BCAS3: variants seen among roughly 807,000 people sequenced by gnomAD.
BCAS3 encodes the protein BCAS3 microtubule associated cell migration factor.
In BCAS3, 53 loss-of-function variants were observed where a neutral mutation model predicts 116.1. That is an observed-to-expected ratio of 0.46 (90% CI 0.37 to 0.57). BCAS3 has a LOEUF of 0.57. Among genes scored for constraint, BCAS3 ranks in the 20% least tolerant of loss-of-function variants. The pLI, the probability that BCAS3 is intolerant of heterozygous loss-of-function variation, is 0.00. For synonymous variants in BCAS3, 391 were observed against 408.2 expected, an observed-to-expected ratio of 0.96 and a Z score of 0.51; for missense variants, 917 against 1,165.4, an observed-to-expected ratio of 0.79 and a Z score of 3.10.
rs2078708177 is a variant in BCAS3, at chr17:61,169,447, A to T, written c.2425+84883A>T. ...TTTTCCTTTTCTTTCCTTGTTATTT[A>T]AAAAAAATTGAGATGGGGTTTTGCT... On this transcript the variant is annotated intron_variant, in intron 22 of 23. Coordinates refer to ENST00000407086, the MANE Select transcript of BCAS3 (RefSeq NM_017679.5). 1.3e-5 allele frequency among the ~76,000 whole-genome samples: 2 copies of T among 152,040 alleles called. 1 individual carries two copies. The highest frequency in any genetic ancestry group is 4.1e-4 in the South Asian group (2 of 4,822).
At chr17:60,747,943 C>T (rs1381269963) in intron 6 of BCAS3, among the ~76,000 whole-genome samples, 3 of 151,244 alleles carry the variant, frequency 2.0e-5, no homozygotes, top group African/African-American at 4.9e-5. Flanking sequence ...GGCTAAATAA[C>T]GCCTGACTCC....
intron 4 of BCAS3, among the ~76,000 whole-genome samples, chr17:60,695,119 ATTT>A (rs61173709): frequency 1.5e-5 from 2 of 129,150 alleles, no homozygotes; most frequent in Non-Finnish European, 1.6e-5. Flanking sequence ...TATATACCAC[ATTT>A]TTTTTTTTTT....
Position 61,368,172 on chromosome 17 carries a change from C to A in BCAS3, c.2426-155C>A. 1.4e-6 allele frequency: 1 copy of A among 697,068 alleles called. No homozygotes were observed. The highest frequency in any genetic ancestry group is 2.3e-6 in the Non-Finnish European group (1 of 435,520). The allele number at this position is 697,068 out of a possible 1,614,324, so 43.2% of individuals were successfully genotyped here. A position where few individuals can be genotyped will look rare whatever the true frequency, so the allele number is the denominator to read the frequency against. ...ACTCTCTCAGCGGCATGAGCTATTTCTCCTGCGCTACCCAGTCTGTTGGCG... is the reference window on the plus strand; with the variant it reads ...ACTCTCTCAGCGGCATGAGCTATTTATCCTGCGCTACCCAGTCTGTTGGCG... On this transcript the variant is annotated intron_variant, in intron 22 of 23. Coordinates refer to ENST00000407086, the MANE Select transcript of BCAS3 (RefSeq NM_017679.5). This position sits in a 1 kb window ranked among gnomAD's most constrained non-coding sequence, Gnocchi z 6.0.
intron 10 of BCAS3, among the ~76,000 whole-genome samples, chr17:60,892,382 GGCTCA>G (rs1457980519): frequency 1.1e-4 from 17 of 149,336 alleles, no homozygotes; most frequent in African/African-American, 4.0e-4. Context: ...GCATGATCTC[GGCTCA>G]CCGCAACCTC....
At chr17:60,952,636 G>T (rs1435892163) in intron 14 of BCAS3, among the ~76,000 whole-genome samples, 1 of 152,032 alleles carries the variant, frequency 6.6e-6, no homozygotes, top group Non-Finnish European at 1.5e-5. Flanking sequence ...TTTATTTTAA[G>T]TTCAGGGGTA....
At position 61,032,075 on chromosome 17, in the gene BCAS3, C is replaced by T. The variant is rs564745217; in HGVS notation, c.1638-2591C>T. 3.1e-4 allele frequency among the ~76,000 whole-genome samples: 47 copies of T among 152,172 alleles called. No individual in the cohort carries two copies. The highest frequency in any genetic ancestry group is 1.0e-3 in the African/African-American group (42 of 41,546). On this transcript the variant is annotated intron_variant, in intron 16 of 23. Coordinates refer to ENST00000407086, the MANE Select transcript of BCAS3 (RefSeq NM_017679.5). This position sits in a 1 kb window ranked among gnomAD's most constrained non-coding sequence, Gnocchi z 4.6. ...TTTGTATGTCAAAAAACTAAATTGACGTCCTCTCATTTTTCTACTTTTTAT... is the reference window on the plus strand; with the variant it reads ...TTTGTATGTCAAAAAACTAAATTGATGTCCTCTCATTTTTCTACTTTTTAT...
chr17:61,054,375 G>T (rs1600814719), intron 19 of BCAS3, among the ~76,000 whole-genome samples: 1 of 151,624 alleles, frequency 6.6e-6, no homozygotes, highest in East Asian at 1.9e-4. Context: ...TTTTTTTTTG[G>T]CCAGGGGGAG....
intron 13 of BCAS3, among the ~76,000 whole-genome samples, chr17:60,939,930 G>A (rs2060135710): frequency 6.6e-6 from 1 of 152,120 alleles, no homozygotes; most frequent in African/African-American, 2.4e-5. Flanking sequence ...TATCTATTTG[G>A]TAAGGAAATC....
chr17:60,830,348 A>G (rs1202536577), intron 7 of BCAS3, among the ~76,000 whole-genome samples: 1 of 152,214 alleles, frequency 6.6e-6, no homozygotes, highest in Non-Finnish European at 1.5e-5. Flanking sequence ...CTGTAACAGT[A>G]TAAAACGTGA....
In BCAS3 at chr17:61,077,550, A is replaced by T. The variant is rs570741907; in HGVS notation, c.2131-783A>T. On this transcript the variant is annotated intron_variant, in intron 20 of 23. Transcript: ENST00000407086. The surrounding 1 kb of genome is among the most constrained non-coding windows in gnomAD (Gnocchi z 4.3). ...AATGAAATAAAATAAATAAAATAAA[A>T]TATTGGCAACATTCCCTATCCCCCC... 1.3e-5 allele frequency among the ~76,000 whole-genome samples: 2 copies of T among 152,206 alleles called. No individual in the cohort carries two copies. The highest frequency in any genetic ancestry group is 4.2e-4 in the South Asian group (2 of 4,816).
chr17:60,742,325 C>T (rs143294414), intron 5 of BCAS3, among the ~76,000 whole-genome samples: 1 of 152,010 alleles, frequency 6.6e-6, no homozygotes, highest in Non-Finnish European at 1.5e-5. Flanking sequence ...CAGATAACCC[C>T]AAAGGGTCTG....
At position 61,248,220 on chromosome 17, in the gene BCAS3, C is replaced by G. The variant is rs562735778; in HGVS notation, c.2426-120107C>G. Among the ~76,000 whole-genome samples, 201 of 152,214 alleles carry G rather than the reference C, an allele frequency of 1.3e-3. No individual in the cohort carries two copies. Among genetic ancestry groups the G allele is most frequent in the South Asian group, 4.8e-3 (23 of 4,816 alleles). On this transcript the variant is annotated intron_variant, in intron 22 of 23. Transcript: ENST00000407086. The surrounding 1 kb of genome is among the most constrained non-coding windows in gnomAD (Gnocchi z 4.3). ...GATCCTATCTCTTTTGTAGGTGGTA[C>G]CCTATTTGAGTCCTTCTGAAGACTG...
chr17:61,045,967 TA>T lies in BCAS3; in HGVS notation c.2029+5076del, dbSNP rs1466771671. Among the ~76,000 whole-genome samples the T allele has an allele frequency of 3.3e-4, 3 of 9,226 alleles. 1 individual carries two copies. The highest frequency in any genetic ancestry group is 4.2e-4 in the Non-Finnish European group (3 of 7,116). The allele number at this position is 9,226 out of a possible 152,430, so 6.1% of individuals were successfully genotyped here. A position where few individuals can be genotyped will look rare whatever the true frequency, so the allele number is the denominator to read the frequency against. ...ATTATATATATAAATATATATATAA[TA>T]TATATATATTATATATATATTTATA... On this transcript the variant is annotated intron_variant, in intron 19 of 23. Coordinates refer to ENST00000407086, the MANE Select transcript of BCAS3 (RefSeq NM_017679.5).
At chr17:60,992,485 A>G (rs557361325) in intron 15 of BCAS3, among the ~76,000 whole-genome samples, 78 of 152,272 alleles carry the variant, frequency 5.1e-4, no homozygotes, top group Non-Finnish European at 9.7e-4. Context: ...TTGAGTATAC[A>G]TGGACATAAA....
chr17:61,300,968 G>A lies in BCAS3; in HGVS notation c.2426-67359G>A, dbSNP rs781627401. Among the ~76,000 whole-genome samples the A allele has an allele frequency of 1.4e-4, 21 of 152,276 alleles. No individual in the cohort carries two copies. Among genetic ancestry groups the A allele is most frequent in the Admixed American group, 3.9e-4 (6 of 15,292 alleles). ...CAGAATATTTTTAAATAAATAAAGT[G>A]TGTAGGAACATAATTACCAAAATAT... On this transcript the variant is annotated intron_variant, in intron 22 of 23. Coordinates refer to ENST00000407086, the MANE Select transcript of BCAS3 (RefSeq NM_017679.5). The surrounding 1 kb of genome is among the most constrained non-coding windows in gnomAD (Gnocchi z 5.1).
In BCAS3 at chr17:61,214,203, A is replaced by T. The variant is rs1251026929; in HGVS notation, c.2425+129639A>T. On this transcript the variant is annotated intron_variant, in intron 22 of 23. Transcript: ENST00000407086. The surrounding 1 kb of genome is among the most constrained non-coding windows in gnomAD (Gnocchi z 4.4). ...AACATGGCGAAACCCCATCTCTATTAAAAAATACAAAAATTAGCCAGGTGT... is the reference window on the plus strand; with the variant it reads ...AACATGGCGAAACCCCATCTCTATTTAAAAATACAAAAATTAGCCAGGTGT... Among the ~76,000 whole-genome samples, 2 of 151,734 alleles carry T rather than the reference A, an allele frequency of 1.3e-5. No individual in the cohort carries two copies. Among genetic ancestry groups the T allele is most frequent in the Non-Finnish European group, 2.9e-5 (2 of 67,946 alleles).
chr17:61,124,613 C>T lies in BCAS3; in HGVS notation c.2425+40049C>T, dbSNP rs1181256233. On this transcript the variant is annotated intron_variant, in intron 22 of 23. Coordinates refer to ENST00000407086, the MANE Select transcript of BCAS3 (RefSeq NM_017679.5). This position sits in a 1 kb window ranked among gnomAD's most constrained non-coding sequence, Gnocchi z 4.6. ...CTTGATATTTTTTCACTATTTTTCC[C>T]TAGTGAGTTATGTAGTTAATCATAT... Among the ~76,000 whole-genome samples, 2 of 152,092 alleles carry T rather than the reference C, an allele frequency of 1.3e-5. No individual in the cohort carries two copies. Among genetic ancestry groups the T allele is most frequent in the East Asian group, 3.9e-4 (2 of 5,172 alleles).
intron 11 of BCAS3, among the ~76,000 whole-genome samples, chr17:60,908,732 C>CA (rs1195292081): frequency 6.6e-6 from 1 of 152,150 alleles, no homozygotes; most frequent in Non-Finnish European, 1.5e-5. Context: ...AAAACAGTTA[C>CA]AATTGATTTG....
intron 14 of BCAS3, among the ~76,000 whole-genome samples, chr17:60,958,376 T>C (rs1230691286): frequency 6.6e-6 from 1 of 152,212 alleles, no homozygotes; most frequent in African/African-American, 2.4e-5. Context: ...AACTAATAAA[T>C]GATTTTAACA....
Sources: gnomAD v4.1 joint callset for allele counts (sites outside exome capture counted in the v4.1 genomes callset) on GRCh38, gnomAD v4.1.1 for gene constraint, Gnocchi (gnomAD v3.1) non-coding constraint, MANE v1.5 for transcripts, NCBI Gene and HGNC (gene_info 2026-07-23, HGNC 2026-07-21) for gene names.